The following HERC4 variants were observed in gnomAD, a reference collection of about 807,000 sequenced individuals.
HERC4 encodes HECT and RLD domain containing E3 ubiquitin protein ligase 4.
In HERC4, 28 loss-of-function variants were observed where a neutral mutation model predicts 124.3. The observed-to-expected ratio is 0.23, with a 90% confidence interval of 0.17 to 0.31. HERC4 has a LOEUF of 0.31. Ranked by LOEUF, HERC4 falls within the 10% of genes least tolerant of loss-of-function variation. The pLI is 1.00. For missense variants in HERC4, 713 were observed against 1,229.3 expected (o/e 0.58, Z 6.28); for synonymous variants, 407 against 421.5 (o/e 0.97, Z 0.42).
intron 15 of HERC4, among the ~76,000 whole-genome samples, chr10:67,973,373 C>T (rs1396409643): frequency 1.3e-5 from 2 of 152,160 alleles, no homozygotes; most frequent in African/African-American, 4.8e-5. Context: ...TCAACCGTCT[C>T]TAGGTTAGCC....
chr10:68,035,702 A>ACTCT (rs535205581), intron 5 of HERC4, among the ~76,000 whole-genome samples: 64 of 152,068 alleles, frequency 4.2e-4, no homozygotes, highest in African/African-American at 1.1e-3. Context: ...CACTCACTAT[A>ACTCT]CTCTAGCCGT....
At chr10:67,968,286 G>C (rs751630882) in intron 15 of HERC4, among the ~76,000 whole-genome samples, 2 of 152,004 alleles carry the variant, frequency 1.3e-5, no homozygotes, top group Non-Finnish European at 2.9e-5. Flanking sequence ...GAATGCACAA[G>C]GCACAAAGTA....
chr10:67,952,908 AG>A (rs2033897947), intron 19 of HERC4, among the ~76,000 whole-genome samples: 1 of 150,470 alleles, frequency 6.6e-6, no homozygotes, highest in African/African-American at 2.4e-5. Flanking sequence ...TCAAAAAAAA[AG>A]AAAAAAAAAA....
At chr10:68,042,386 A>G (rs2039814938) in intron 4 of HERC4, among the ~76,000 whole-genome samples, 1 of 152,196 alleles carries the variant, frequency 6.6e-6, no homozygotes, top group African/African-American at 2.4e-5. Flanking sequence ...ACACTTTGGG[A>G]GGCCAAAGCC....
chr10:67,974,663 T>C (rs1048833978), intron 15 of HERC4, among the ~76,000 whole-genome samples: 1 of 152,360 alleles, frequency 6.6e-6, no homozygotes, highest in African/African-American at 2.4e-5. Context: ...CAGTGAGATG[T>C]ATTATAATGT....
chr10:68,007,768 A>T (rs879707390), intron 9 of HERC4: 3 of 151,750 alleles, frequency 2.0e-5, no homozygotes, highest in Non-Finnish European at 4.4e-5. Flanking sequence ...GTGGCTATTC[A>T]AAGGCACGAT....
intron 3 of HERC4, among the ~76,000 whole-genome samples, chr10:68,055,107 G>C (rs2040487451): frequency 6.6e-6 from 1 of 151,420 alleles, no homozygotes; most frequent in Non-Finnish European, 1.5e-5. Context: ...TTTTTATTAG[G>C]GACGGGGTTT....
intron 15 of HERC4, among the ~76,000 whole-genome samples, chr10:67,967,224 T>G (rs559985255): frequency 3.3e-5 from 5 of 152,192 alleles, no homozygotes; most frequent in Admixed American, 3.3e-4. Context: ...TTTTTCTTCC[T>G]ACAAAAAATA....
intron 23 of HERC4, among the ~76,000 whole-genome samples, chr10:67,931,220 G>A (rs1006796322): frequency 9.9e-5 from 15 of 151,946 alleles, no homozygotes; most frequent in African/African-American, 2.9e-4. Context: ...TCTTAACCTC[G>A]TGATCCGCCC....
intron 9 of HERC4, among the ~76,000 whole-genome samples, chr10:68,009,434 A>T (rs2037796258): frequency 6.6e-6 from 1 of 152,162 alleles, no homozygotes; most frequent in Non-Finnish European, 1.5e-5. Flanking sequence ...TAGTCTATTA[A>T]GTGTGCAATA....
At chr10:68,019,805 C>T (rs181838232) in intron 8 of HERC4, among the ~76,000 whole-genome samples, 37 of 152,276 alleles carry the variant, frequency 2.4e-4, no homozygotes, top group South Asian at 1.9e-3. Context: ...TGGGCAATAA[C>T]GACTTTGTCT....
At chr10:68,073,978 T>TA (rs574700125) in intron 1 of HERC4, 7 of 152,168 alleles carry the variant, frequency 4.6e-5, no homozygotes, top group Non-Finnish European at 7.4e-5. Flanking sequence ...TAACCGGGAT[T>TA]AAAAAAATCA....
At chr10:68,052,748 T>C (rs932242939) in intron 3 of HERC4, among the ~76,000 whole-genome samples, 8 of 152,210 alleles carry the variant, frequency 5.3e-5, no homozygotes. Context: ...ACTTATATGA[T>C]CAATTTCACC....
intron 7 of HERC4, among the ~76,000 whole-genome samples, chr10:68,026,924 A>C (rs1220380751): frequency 6.6e-6 from 1 of 152,054 alleles, no homozygotes; most frequent in African/African-American, 2.4e-5. Flanking sequence ...GCTTGAACCC[A>C]GGAGGCACAG....
chr10:68,070,078 T>G (rs1564622150), intron 3 of HERC4: 4 of 984,234 alleles, frequency 4.1e-6, no homozygotes, highest in Non-Finnish European at 4.8e-6. Flanking sequence ...AACAAAAACC[T>G]CCTGGGAAAT....
At chr10:67,977,667 C>T (rs1390573404) in intron 15 of HERC4, among the ~76,000 whole-genome samples, 1 of 152,134 alleles carries the variant, frequency 6.6e-6, no homozygotes, top group African/African-American at 2.4e-5. Flanking sequence ...TGCCAGGCAG[C>T]ATTCACCACA....
chr10:67,934,849 CT>C (rs2132064787), intron 22 of HERC4, among the ~76,000 whole-genome samples: 1 of 147,372 alleles, frequency 6.8e-6, no homozygotes, highest in African/African-American at 2.5e-5. Context: ...TGGTATTGAT[CT>C]TTTTTCCACT....
intron 3 of HERC4, among the ~76,000 whole-genome samples, chr10:68,070,825 G>T (rs2041539143): frequency 1.3e-5 from 2 of 151,804 alleles, no homozygotes; most frequent in African/African-American, 2.4e-5. Flanking sequence ...AACTATTTCA[G>T]CTCCAGACTT....
At chr10:68,064,469 A>AACCTGGGAGGT in intron 3 of HERC4, among the ~76,000 whole-genome samples, 1 of 149,252 alleles carries the variant, frequency 6.7e-6, no homozygotes, top group Non-Finnish European at 1.5e-5. Context: ...CAGGAGAATC[A>AACCTGGGAGGT]TCTGAACCTG....
Sources: gnomAD v4.1 joint callset for allele counts (sites outside exome capture counted in the v4.1 genomes callset) on GRCh38, gnomAD v4.1.1 for gene constraint, MANE v1.5 for transcripts, NCBI Gene and HGNC (gene_info 2026-07-23, HGNC 2026-07-21) for gene names.